Variants in COL4A2 observed in about 807,000 individuals in gnomAD.
COL4A2 encodes collagen alpha-2(IV) chain.
COL4A2 carries 99 observed loss-of-function variants against 200.2 expected under a neutral mutation model. That is an observed-to-expected ratio of 0.49 (90% confidence interval 0.42 to 0.58). The LOEUF is 0.58. Among genes scored for constraint, COL4A2 ranks in the 20% least tolerant of loss-of-function variants. COL4A2 has a pLI of 0.00. For missense variants in COL4A2, 1,950 were observed against 2,314.1 expected, an observed-to-expected ratio of 0.84 and a Z score of 3.23; for synonymous variants, 897 against 900.6, an observed-to-expected ratio of 1.00 and a Z score of 0.07.
At chr13:110,419,677 T>C (rs1167695882) in intron 4 of COL4A2, among the ~76,000 whole-genome samples, 1 of 152,194 alleles carries the variant, frequency 6.6e-6, no homozygotes, top group East Asian at 1.9e-4. Context: ...TTGTTGCCTT[T>C]TCAGACTGCA....
intron 3 of COL4A2, among the ~76,000 whole-genome samples, chr13:110,356,579 A>G (rs964986113): frequency 3.9e-5 from 6 of 151,916 alleles, no homozygotes; most frequent in African/African-American, 1.2e-4. Flanking sequence ...CCCCGCCAGC[A>G]TTTTCTCCAG....
In COL4A2 at chr13:110,462,337, C is replaced by T; in HGVS notation, c.1729C>T (p.Pro577Ser). The T allele has an allele frequency of 6.2e-7, 1 of 1,614,086 alleles. No individual in the cohort carries two copies. The highest frequency in any genetic ancestry group is 8.5e-7 in the Non-Finnish European group (1 of 1,180,042). ...CGGGATGAAAGGTGACGATGGCAGC[C>T]CAGGCCGCGATGGGCTCGATGGATT... ...VPGMKGDDGS[P>S]GRDGLDGFPG... The change falls in exon 24 of 48, where the codon CCA (proline) becomes TCA (serine). Residue 577 changes from proline to serine, a missense_variant. By Grantham distance (74) the Pro-to-Ser change is moderately conservative. Around this residue, in one of 2 missense-constraint regions of COL4A2, gnomAD observed 1,385 missense variants for 1,720.5 expected, o/e 0.80. Coordinates refer to ENST00000360467, the MANE Select transcript of COL4A2 (RefSeq NM_001846.4).
At chr13:110,412,517 C>CT (rs1879882290) in intron 4 of COL4A2, among the ~76,000 whole-genome samples, 1 of 152,180 alleles carries the variant, frequency 6.6e-6, no homozygotes, top group African/African-American at 2.4e-5. Context: ...AAAAACGTGT[C>CT]TTTTTTGGAC....
chr13:110,504,053 G>A, intron 44 of COL4A2, 60 bp downstream of exon 44: 1 of 1,550,796 alleles, frequency 6.4e-7, no homozygotes, highest in South Asian at 1.1e-5. Context: ...GCCAGGGCCT[G>A]CTGGCATTGC....
chr13:110,469,929 T>TTTTTTTTTG (rs1882400803), intron 28 of COL4A2, among the ~76,000 whole-genome samples: 15 of 145,144 alleles, frequency 1.0e-4, no homozygotes, highest in South Asian at 4.4e-4. Context: ...TTTTTTTTTT[T>TTTTTTTTTG]AATGAAATGG....
chr13:110,465,940 A>G (rs927638116), intron 25 of COL4A2, 63 bp from the exon 26 acceptor site: 34 of 1,583,240 alleles, frequency 2.1e-5, no homozygotes, highest in African/African-American at 4.0e-5. Context: ...CACGCCCCAG[A>G]CGAGCCAGTA....
intron 4 of COL4A2, among the ~76,000 whole-genome samples, chr13:110,387,022 G>A (rs963279528): frequency 3.3e-5 from 5 of 152,132 alleles, no homozygotes; most frequent in African/African-American, 7.2e-5. Context: ...GGTGAATTAC[G>A]AGGTCAGGAG....
At chr13:110,449,077 A>G (rs776063811) in intron 18 of COL4A2, among the ~76,000 whole-genome samples, 1 of 152,244 alleles carries the variant, frequency 6.6e-6, no homozygotes, top group African/African-American at 2.4e-5. Flanking sequence ...TATTTTAAGG[A>G]ACTTCGTAAG....
chr13:110,468,009 T>C (rs1210766189), intron 27 of COL4A2: 3 of 376,934 alleles, frequency 8.0e-6, no homozygotes, highest in Admixed American at 6.4e-5. Context: ...CTATGCAAGA[T>C]GAATAGTGCA....
At chr13:110,490,114 G>A (rs1883237989) in intron 36 of COL4A2, among the ~76,000 whole-genome samples, 2 of 152,186 alleles carry the variant, frequency 1.3e-5, no homozygotes, top group South Asian at 4.1e-4. Context: ...ACACCTGAGG[G>A]CGTGCAGCAG....
intron 4 of COL4A2, among the ~76,000 whole-genome samples, chr13:110,387,268 C>T (rs1264481248): frequency 2.0e-5 from 3 of 152,210 alleles, no homozygotes; most frequent in South Asian, 2.1e-4. Flanking sequence ...AAAAAAGGAG[C>T]GACTGATACC....
intron 4 of COL4A2, among the ~76,000 whole-genome samples, chr13:110,380,845 AG>A (rs1324507838): frequency 2.4e-5 from 3 of 124,630 alleles, no homozygotes; most frequent in African/African-American, 9.3e-5. Context: ...TCACAACCAC[AG>A]AGCTCTATCT....
Position 110,436,436 on chromosome 13 carries a change from T to C in COL4A2, c.825+69T>C, listed in dbSNP as rs1472655821. ...GGAGAGTAAAAGTACATTTCTTCAATTGTATTCAACCACATTCCAAGTAGA... is the reference window on the plus strand; with the variant it reads ...GGAGAGTAAAAGTACATTTCTTCAACTGTATTCAACCACATTCCAAGTAGA... On this transcript the variant is annotated intron_variant, in intron 13 of 47. Transcript: ENST00000360467. 4.5e-6 allele frequency: 7 copies of C among 1,552,346 alleles called. No individual in the cohort carries two copies. The East Asian group carries it at 9.3e-5, about 21-fold the overall frequency.
In COL4A2 at chr13:110,477,401, T is replaced by G. The variant is rs570885956; in HGVS notation, c.2426-602T>G. ...ACTGGTAGAATAAATGGGTTTAGAC[T>G]TTCTGAATCAGTGCGATGTATCTTT... On this transcript the variant is annotated intron_variant, in intron 29 of 47. Transcript: ENST00000360467. 2.6e-5 allele frequency among the ~76,000 whole-genome samples: 4 copies of G among 152,388 alleles called. No individual in the cohort carries two copies. The South Asian group carries it at 8.3e-4, about 32-fold the overall frequency.
chr13:110,321,041 T>C (rs1405236700), intron 3 of COL4A2, among the ~76,000 whole-genome samples: 1 of 152,150 alleles, frequency 6.6e-6, no homozygotes, highest in Non-Finnish European at 1.5e-5. Context: ...AACTTTCCTG[T>C]AATAAAAAAT....
At chr13:110,359,961 A>G (rs1174096943) in intron 4 of COL4A2, among the ~76,000 whole-genome samples, 1 of 152,218 alleles carries the variant, frequency 6.6e-6, no homozygotes, top group Non-Finnish European at 1.5e-5. Flanking sequence ...TTTATGGTTT[A>G]GAAATTGCTG....
chr13:110,425,329 A>G (rs189466713), intron 6 of COL4A2, among the ~76,000 whole-genome samples: 24 of 152,360 alleles, frequency 1.6e-4, no homozygotes, highest in African/African-American at 5.8e-4. Flanking sequence ...CAACCTGCAT[A>G]TAAAGTCGTT....
chr13:110,489,792 A>G lies in COL4A2; in HGVS notation c.3346+7A>G, dbSNP rs201020737. The G allele has an allele frequency of 2.6e-3, 4,141 of 1,603,782 alleles. 12 individuals carry two copies. Among genetic ancestry groups the G allele is most frequent in the South Asian group, 5.2e-3 (461 of 89,110 alleles). On this transcript the variant is annotated splice_region_variant and intron_variant, in intron 36 of 47. Coordinates refer to ENST00000360467, the MANE Select transcript of COL4A2 (RefSeq NM_001846.4). ...GGCACCACTGGAATACCAGGTACGC[A>G]AGTTATTTTCCTTGTCTTCATCTTC...
At chr13:110,475,838 G>C (rs918680473) in intron 29 of COL4A2, among the ~76,000 whole-genome samples, 1 of 152,244 alleles carries the variant, frequency 6.6e-6, no homozygotes, top group African/African-American at 2.4e-5. Flanking sequence ...TTTCACTGAG[G>C]GAGGCTGATT....
Sources: allele counts gnomAD v4.1 joint callset (sites outside exome capture counted in the v4.1 genomes callset), GRCh38; gene constraint gnomAD v4.1.1; regional missense constraint gnomAD v4.1.1; transcripts MANE v1.5; gene names NCBI Gene and HGNC (gene_info 2026-07-23, HGNC 2026-07-21).